Variants in HIBADH observed in about 807,000 individuals in gnomAD.
HIBADH encodes 3-hydroxyisobutyrate dehydrogenase, mitochondrial.
HIBADH carries 25 observed loss-of-function variants against 36.1 expected under a neutral mutation model. The ratio of observed to expected loss-of-function variants is 0.69; its 90% CI spans 0.50 to 0.97. HIBADH has a LOEUF of 0.97. Among genes scored for constraint, HIBADH ranks in the 50% least tolerant of loss-of-function variants. The pLI, the probability that HIBADH is intolerant of heterozygous loss-of-function variation, is 0.00. For missense variants in HIBADH, 421 were observed against 418.0 expected (o/e 1.01, Z -0.06); for synonymous variants, 160 against 149.5 (o/e 1.07, Z -0.51).
chr7:27,573,248 A>C (rs1784654573), intron 4 of HIBADH, among the ~76,000 whole-genome samples: 1 of 152,180 alleles, frequency 6.6e-6, no homozygotes, highest in South Asian at 2.1e-4. Flanking sequence ...TCTTCTTGGA[A>C]TGTCCTCATC....
chr7:27,539,654 A>G (rs925843688), intron 5 of HIBADH, among the ~76,000 whole-genome samples: 3 of 152,196 alleles, frequency 2.0e-5, no homozygotes, highest in Non-Finnish European at 4.4e-5. Flanking sequence ...TGGCAAGTAC[A>G]GTTGACCCTT....
intron 1 of HIBADH, among the ~76,000 whole-genome samples, chr7:27,656,660 G>A (rs1402072015): frequency 6.6e-6 from 1 of 152,056 alleles, no homozygotes; most frequent in African/African-American, 2.4e-5. Flanking sequence ...TGGACTACTG[G>A]GTCGGAGTTG....
chr7:27,612,770 C>CA (rs71554099), intron 4 of HIBADH, among the ~76,000 whole-genome samples: 18,087 of 149,186 alleles, frequency 0.12, 1,512 homozygotes, highest in Middle Eastern at 0.18. Flanking sequence ...CCCATCACTA[C>CA]AAAAAAAATT....
intron 4 of HIBADH, among the ~76,000 whole-genome samples, chr7:27,597,510 T>C (rs1054241629): frequency 6.6e-6 from 1 of 151,548 alleles, no homozygotes; most frequent in Non-Finnish European, 1.5e-5. Context: ...CTTAGAATAA[T>C]GTGCTGGGTA....
At chr7:27,659,221 A>G (rs1437648577) in intron 1 of HIBADH, among the ~76,000 whole-genome samples, 1 of 152,218 alleles carries the variant, frequency 6.6e-6, no homozygotes, top group Admixed American at 6.5e-5. Context: ...TTTTCCATGT[A>G]CAAGCTGTAG....
chr7:27,620,818 AAAATAT>A (rs1785528254), intron 4 of HIBADH, among the ~76,000 whole-genome samples: 2 of 152,198 alleles, frequency 1.3e-5, no homozygotes, highest in African/African-American at 2.4e-5. Context: ...GGAAAGAAAC[AAAATAT>A]ATAACACCAT....
At chr7:27,649,411 T>C in intron 2 of HIBADH, 62 bp downstream of exon 2, 5 of 1,343,240 alleles carry the variant, frequency 3.7e-6, no homozygotes, top group Non-Finnish European at 5.1e-6. Flanking sequence ...CTGTCACTTA[T>C]TTGAATGTAT....
intron 2 of HIBADH, among the ~76,000 whole-genome samples, chr7:27,638,213 T>C (rs995530553): frequency 6.9e-6 from 1 of 145,058 alleles, no homozygotes; most frequent in Non-Finnish European, 1.5e-5. Context: ...CAAAATAGCA[T>C]GGTACTGGAA....
At chr7:27,602,096 T>A (rs1425774914) in intron 4 of HIBADH, among the ~76,000 whole-genome samples, 1 of 152,104 alleles carries the variant, frequency 6.6e-6, no homozygotes, top group Non-Finnish European at 1.5e-5. Flanking sequence ...AAATGTCTTA[T>A]TTTTGCTAAA....
chr7:27,626,104 G>GATAA (rs1554299830), intron 4 of HIBADH, among the ~76,000 whole-genome samples: 1 of 72,496 alleles, frequency 1.4e-5, no homozygotes, highest in Non-Finnish European at 2.5e-5. Flanking sequence ...CTCCGTCTCA[G>GATAA]AAAAAAAAAA....
intron 3 of HIBADH, among the ~76,000 whole-genome samples, chr7:27,630,215 A>G (rs1785723642): frequency 6.6e-6 from 1 of 152,204 alleles, no homozygotes; most frequent in Non-Finnish European, 1.5e-5. Flanking sequence ...CCTTTAATTC[A>G]AACTTTCCAA....
intron 4 of HIBADH, among the ~76,000 whole-genome samples, chr7:27,611,802 A>T (rs571035035): frequency 1.3e-5 from 2 of 152,260 alleles, no homozygotes; most frequent in Non-Finnish European, 2.9e-5. Flanking sequence ...TACAAAGATA[A>T]ATGTTCCATG....
At chr7:27,630,796 T>A (rs1391051344) in intron 3 of HIBADH, among the ~76,000 whole-genome samples, 1 of 152,166 alleles carries the variant, frequency 6.6e-6, no homozygotes, top group African/African-American at 2.4e-5. Context: ...TTTAGACATA[T>A]GAATTGTTAC....
chr7:27,566,106 G>A (rs1475633651), intron 4 of HIBADH, among the ~76,000 whole-genome samples: 1 of 152,004 alleles, frequency 6.6e-6, no homozygotes, highest in Middle Eastern at 3.2e-3. Context: ...ACAGTATAAA[G>A]AATACTAATC....
At chr7:27,597,308 T>C (rs1194590025) in intron 4 of HIBADH, among the ~76,000 whole-genome samples, 7 of 151,602 alleles carry the variant, frequency 4.6e-5, no homozygotes, top group South Asian at 2.1e-4. Flanking sequence ...GCCTACCAGA[T>C]AGTAGGGACT....
intron 4 of HIBADH, among the ~76,000 whole-genome samples, chr7:27,610,524 AAAAT>A (rs1250392778): frequency 6.6e-6 from 1 of 152,230 alleles, no homozygotes; most frequent in African/African-American, 2.4e-5. Flanking sequence ...GTGTGTAACA[AAAAT>A]AAATTCTTAC....
intron 6 of HIBADH, 86 bp downstream of exon 6, chr7:27,538,255 C>T (rs1784094984): frequency 9.8e-7 from 1 of 1,022,664 alleles, no homozygotes; most frequent in Admixed American, 2.0e-5. Flanking sequence ...TCATTTATCT[C>T]TCATGAATAT....
At chr7:27,606,031 A>T (rs781498177) in intron 4 of HIBADH, among the ~76,000 whole-genome samples, 2 of 152,182 alleles carry the variant, frequency 1.3e-5, no homozygotes, top group Non-Finnish European at 2.9e-5. Context: ...TCATTTCAAA[A>T]ATTTTAAGAT....
chr7:27,656,335 C>T (rs902064969), intron 1 of HIBADH, among the ~76,000 whole-genome samples: 2 of 152,108 alleles, frequency 1.3e-5, no homozygotes, highest in African/African-American at 4.8e-5. Flanking sequence ...CTGCAAATAA[C>T]TATGTATTAA....
Sources: allele counts gnomAD v4.1 joint callset (sites outside exome capture counted in the v4.1 genomes callset), GRCh38; gene constraint gnomAD v4.1.1; transcripts MANE v1.5; gene names NCBI Gene and HGNC (gene_info 2026-07-23, HGNC 2026-07-21).